MTA2: variants seen among roughly 807,000 people sequenced by gnomAD.
The protein encoded by MTA2 is metastasis associated 1 family member 2.
Under a neutral mutation model 87.1 loss-of-function variants are expected in MTA2, and 22 were observed. The ratio of observed to expected loss-of-function variants is 0.25; its 90% confidence interval spans 0.18 to 0.36. MTA2 has a LOEUF of 0.36. MTA2 is among the 10% of genes least tolerant of loss of function. MTA2 has a pLI of 1.00. For missense variants in MTA2, 542 were observed against 853.2 expected (o/e 0.64, Z 4.54); for synonymous variants, 314 against 310.1 (o/e 1.01, Z -0.13).
Position 62,598,592 on chromosome 11 carries a change from G to A in MTA2, c.238C>T (p.Arg80Cys), listed in dbSNP as rs377599047. The A allele has an allele frequency of 4.3e-6, 7 of 1,614,122 alleles. No homozygotes were observed. The Admixed American group carries it at 5.0e-5, about 12-fold the overall frequency. The change falls in exon 4 of 18, where the codon CGC becomes TGC. Residue 80 changes from arginine (R) to cysteine (C), a missense_variant. By Grantham distance (180) the Arg-to-Cys change is radical. Around this residue, in one of 6 missense-constraint regions of MTA2, gnomAD observed 150 missense variants for 243.9 expected, o/e 0.62. Coordinates refer to ENST00000278823, the MANE Select transcript of MTA2 (RefSeq NM_004739.4). ...AGTTCCCGGTGCTTCAGTTGATGGC[G>A]CTGCTGCTCAGACACCCCTGGCTGC... ...SKQPGVSEQQ[R>C]HQLKHRELFL... is the part of the protein sequence containing the mutation.
At chr11:62,597,202 CAAACA>C in intron 8 of MTA2, 109 bp downstream of exon 8, 1 of 732,772 alleles carries the variant, frequency 1.4e-6, no homozygotes, top group Non-Finnish European at 2.2e-6. Flanking sequence ...CAAAACAAAA[CAAACA>C]AAAAAAAAAC....
chr11:62,593,948 A>G lies in MTA2; in HGVS notation c.1934T>C (p.Val645Ala), dbSNP rs1942060469. ...TGCAGGTAGAGGGACAGGGGGCCGC[A>G]CTGCAATCAGCGTTGGCTTCACCTT... is the stretch of plus-strand genomic sequence containing the variant. ...PLKVKPTLIA[V>A]RPPVPLPAPS... Residue 645 changes from valine (V) to alanine (A), a missense_variant, in exon 18 of 18, where the codon GTG becomes GCG. By Grantham distance (64) the Val-to-Ala change is moderately conservative. This residue lies in a region of MTA2 where 269 missense variants were observed against 346.4 expected (regional missense o/e 0.78). Transcript: ENST00000278823. 5 of 1,614,054 alleles carry G rather than the reference A, an allele frequency of 3.1e-6. No homozygotes were observed. The highest frequency in any genetic ancestry group is 4.2e-6 in the Non-Finnish European group (5 of 1,180,022).
rs767000790 is a variant in MTA2, at chr11:62,596,579, G to C, written c.883-47C>G. 6 of 1,612,570 alleles carry C rather than the reference G, an allele frequency of 3.7e-6. No homozygotes were observed. In the East Asian group the frequency reaches 1.3e-4, roughly 36 times the overall value. On this transcript the variant is annotated intron_variant, in intron 9 of 17. Transcript: ENST00000278823. ...AGAATGAGCTGGCATCTGGCCCCAG[G>C]TCCTGGTTCCCTCACCTGTCATCTC...
Position 62,595,209 on chromosome 11 carries a change from C to T in MTA2, c.1483+55G>A. On this transcript the variant is annotated intron_variant, in intron 14 of 17. Coordinates refer to ENST00000278823, the MANE Select transcript of MTA2 (RefSeq NM_004739.4). The surrounding 1 kb of genome is among the most constrained non-coding windows in gnomAD (Gnocchi z 4.9). ...ATTAGACATCCAGAGAAACAACGGT[C>T]TCTGGGCAGAGCAATCCGAAACCCA... 1.3e-6 allele frequency: 2 copies of T among 1,576,830 alleles called. No individual in the cohort carries two copies. The highest frequency in any genetic ancestry group is 2.2e-5 in the South Asian group (2 of 89,860).
Position 62,595,784 on chromosome 11 carries a change from T to C in MTA2, c.1222A>G (p.Thr408Ala). ...CCCCGAGTGGCCCCCTCAAGCTGAGTTGGGGTCTTCAGTCCCCCATACTTC... is the reference window on the plus strand; with the variant it reads ...CCCCGAGTGGCCCCCTCAAGCTGAGCTGGGGTCTTCAGTCCCCCATACTTC... ...WKKYGGLKTP[T>A]QLEGATRGTT... Residue 408 changes from threonine to alanine, a missense_variant, in exon 13 of 18, where the codon ACT becomes GCT. Thr to Ala is a moderately conservative substitution (Grantham distance 58). Transcript: ENST00000278823. This position sits in a 1 kb window ranked among gnomAD's most constrained non-coding sequence, Gnocchi z 4.9. 2 of 1,614,150 alleles carry C rather than the reference T, an allele frequency of 1.2e-6. No individual in the cohort carries two copies. The highest frequency in any genetic ancestry group is 2.2e-5 in the South Asian group (2 of 91,074).
chr11:62,601,073 C>T (rs1942184363), intron 1 of MTA2: 4 of 503,950 alleles, frequency 7.9e-6, no homozygotes, highest in Non-Finnish European at 1.4e-5. Flanking sequence ...AACCTCCGGG[C>T]GGCTCCCCCG....
chr11:62,597,513 G>A, intron 7 of MTA2, 97 bp downstream of exon 7: 1 of 1,495,680 alleles, frequency 6.7e-7, no homozygotes. Context: ...AACATCCATG[G>A]CAATGAAAGA....
At position 62,593,970 on chromosome 11, in the gene MTA2, C is replaced by G; in HGVS notation, c.1912G>C (p.Val638Leu). ...AARRPNLPLK[V>L]KPTLIAVRPP... ...CGCACTGCAATCAGCGTTGGCTTCA[C>G]CTTCAGGGGCAAGTTGGGTCGGCGA... Residue 638 changes from valine (V) to leucine (L), a missense_variant, in exon 18 of 18, where the codon GTG becomes CTG. By Grantham distance (32) the Val-to-Leu change is conservative. This residue lies in a region of MTA2 where 269 missense variants were observed against 346.4 expected (regional missense o/e 0.78). Coordinates refer to ENST00000278823, the MANE Select transcript of MTA2 (RefSeq NM_004739.4). 6.2e-7 allele frequency: 1 copy of G among 1,614,050 alleles called. No homozygotes were observed. Among genetic ancestry groups the G allele is most frequent in the South Asian group, 1.1e-5 (1 of 91,070 alleles).
At chr11:62,597,942 G>T in intron 6 of MTA2, 82 bp downstream of exon 6, 2 of 1,274,676 alleles carry the variant, frequency 1.6e-6, no homozygotes, top group Non-Finnish European at 2.3e-6. Context: ...CCCAGGTGAC[G>T]CCATTCACAG....
At chr11:62,594,457 C>A (rs1419923338) in intron 16 of MTA2, 50 bp from the exon 17 acceptor site, 1 of 1,613,288 alleles carries the variant, frequency 6.2e-7, no homozygotes, top group East Asian at 2.2e-5. Context: ...CTCTCAGACT[C>A]CTATGAGAGA....
At chr11:62,597,965 TA>T in intron 6 of MTA2, 58 bp downstream of exon 6, 1 of 1,446,328 alleles carries the variant, frequency 6.9e-7, no homozygotes, top group Non-Finnish European at 9.7e-7. Flanking sequence ...ACTATAATGT[TA>T]AAGTGCCCCT....
Position 62,601,054 on chromosome 11 carries a change from G to A in MTA2, c.29-365C>T, listed in dbSNP as rs1049693448. On this transcript the variant is annotated intron_variant, in intron 1 of 17. Coordinates refer to ENST00000278823, the MANE Select transcript of MTA2 (RefSeq NM_004739.4). ...GAATCGAGGCGCACAATAACGCCTG[G>A]GAAGAGGAAACCTCCGGGCGGCTCC... 3 of 502,896 alleles carry A rather than the reference G, an allele frequency of 6.0e-6. No individual in the cohort carries two copies. In the African/African-American group the frequency reaches 6.1e-5, roughly 10 times the overall value. 31.2% of individuals were successfully genotyped at this position (502,896 alleles called of 1,614,324 possible).
chr11:62,601,717 A>C lies in MTA2; in HGVS notation c.-267T>G. On this transcript the variant is annotated 5_prime_UTR_variant, in exon 1 of 18. Transcript: ENST00000278823. ...TTCCGGAACGAGCTCGGCTCCTGCC[A>C]GGCCAGAGCCAGGCTCCAGCTACCC... 8 of 521,242 alleles carry C rather than the reference A, an allele frequency of 1.5e-5. No individual in the cohort carries two copies. The South Asian group carries it at 2.1e-4, about 14-fold the overall frequency. The allele number at this position is 521,242 out of a possible 1,614,324, so 32.3% of individuals were successfully genotyped here. A position where few individuals can be genotyped will look rare whatever the true frequency, so the allele number is the denominator to read the frequency against.
rs536126938 is a variant in MTA2 at position 62,597,942 on chromosome 11, G to A, written c.490+82C>T. The A allele has an allele frequency of 1.1e-4, 138 of 1,274,670 alleles. 3 individuals carry two copies. The South Asian group carries it at 1.5e-3, about 14-fold the overall frequency. The allele number at this position is 1,274,670 out of a possible 1,614,324, so 79.0% of individuals were successfully genotyped here. The stretch of plus-strand genomic sequence containing the variant: ...AGTGCACTGCACAACCCCAGGTGAC[G>A]CCATTCACAGAGACTATAATGTTAA... On this transcript the variant is annotated intron_variant, in intron 6 of 17. Coordinates refer to ENST00000278823, the MANE Select transcript of MTA2 (RefSeq NM_004739.4).
rs1942209981 is a variant in MTA2 at position 62,601,759 on chromosome 11, C to T, written c.-309G>A. 1 of 514,102 alleles carries T rather than the reference C, an allele frequency of 1.9e-6. No individual in the cohort carries two copies. The highest frequency in any genetic ancestry group is 3.4e-6 in the Non-Finnish European group (1 of 295,218). The allele number at this position is 514,102 out of a possible 1,614,324, so 31.8% of individuals were successfully genotyped here. ...CAGCTACCCCCGCCCCCGCGGAGTC[C>T]CACTAGTCGTTGGGCTCTGCCGGCC... On this transcript the variant is annotated 5_prime_UTR_variant, in exon 1 of 18. Transcript: ENST00000278823.
rs1942132969 is a variant in MTA2 at position 62,598,713 on chromosome 11, G to A, written c.191-74C>T. 13 of 1,333,212 alleles carry A rather than the reference G, an allele frequency of 9.8e-6. No homozygotes were observed. In the Admixed American group the frequency reaches 2.4e-4, roughly 24 times the overall value. 82.6% of individuals were successfully genotyped at this position (1,333,212 alleles called of 1,614,324 possible). ...ACACCACCCTGGAAACTCTAACTCA[G>A]GGAAAATATTTCCTATCTTGGCTGT... On this transcript the variant is annotated intron_variant, in intron 3 of 17. Transcript: ENST00000278823.
Position 62,597,876 on chromosome 11 carries a change from A to AG in MTA2, c.490+147dup. 4.1e-6 allele frequency: 4 copies of AG among 984,248 alleles called. 1 individual carries two copies. The South Asian group carries it at 6.0e-5, about 15-fold the overall frequency. The allele number at this position is 984,248 out of a possible 1,614,324, so 61.0% of individuals were successfully genotyped here. On this transcript the variant is annotated intron_variant, in intron 6 of 17. Transcript: ENST00000278823. ...CCATTTTCCCTTTTCAGGTTCCTAC[A>AG]GGCCCATTCTGTCAGGGTCATGGCA...
In MTA2 at chr11:62,594,294, G is replaced by A; in HGVS notation, c.1806C>T (p.Pro602=). ...KRQKLNPADA[P]NPVVFVATKD... ...TTGTGGCCACAAACACCACAGGATT[G>A]GGGGCATCAGCTGGGTTTAGTTTCT... The change falls in exon 17 of 18, where the codon CCC becomes CCT. Residue 602 remains proline (P), a synonymous_variant. Transcript: ENST00000278823. 1 of 1,614,184 alleles carries A rather than the reference G, an allele frequency of 6.2e-7. No individual in the cohort carries two copies. Among genetic ancestry groups the A allele is most frequent in the Non-Finnish European group, 8.5e-7 (1 of 1,180,038 alleles).
At chr11:62,594,494 C>A in intron 16 of MTA2, 22 bp downstream of exon 16, 1 of 1,613,590 alleles carries the variant, frequency 6.2e-7, no homozygotes, top group Non-Finnish European at 8.5e-7. Context: ...TCAATCTGGC[C>A]CACCCCTTTC....
Sources: gnomAD v4.1 joint callset for allele counts on GRCh38, gnomAD v4.1.1 for gene constraint, gnomAD v4.1.1 regional missense constraint, Gnocchi (gnomAD v3.1) non-coding constraint, MANE v1.5 for transcripts, NCBI Gene and HGNC (gene_info 2026-07-23, HGNC 2026-07-21) for gene names.